The following DIAPH3 variants were observed in gnomAD, a reference collection of about 807,000 sequenced individuals.
The protein encoded by DIAPH3 is protein diaphanous homolog 3.
A neutral mutation model predicts 144.3 loss-of-function variants in DIAPH3; 117 were observed. That is an observed-to-expected ratio of 0.81 (90% CI 0.70 to 0.95). The LOEUF is 0.95. Ranked by LOEUF, DIAPH3 falls within the 40% of genes least tolerant of loss-of-function variation. DIAPH3 has a pLI of 0.00. For synonymous variants in DIAPH3, 519 were observed against 488.9 expected (o/e 1.06, Z -0.81); for missense variants, 1,421 against 1,412.7 (o/e 1.01, Z -0.09).
intron 4 of DIAPH3, among the ~76,000 whole-genome samples, chr13:60,047,262 C>T (rs936591264): frequency 2.0e-5 from 3 of 151,512 alleles, no homozygotes; most frequent in African/African-American, 7.3e-5. Flanking sequence ...CCATTAAGTA[C>T]ATTTTCTGAA....
rs541530100 is a variant in DIAPH3, at chr13:59,676,448, G to C, written c.3320-9602C>G. On this transcript the variant is annotated intron_variant, in intron 27 of 27. Coordinates refer to ENST00000400324, the MANE Select transcript of DIAPH3 (RefSeq NM_001042517.2). ...CCAGCCCTTCAAATATTTGAAGACAGATATTATATTCTCTCAATCTTTTCT... is the reference window on the plus strand; with the variant it reads ...CCAGCCCTTCAAATATTTGAAGACACATATTATATTCTCTCAATCTTTTCT... Among the ~76,000 whole-genome samples the C allele has an allele frequency of 1.6e-4, 24 of 152,246 alleles. 1 individual carries two copies. The highest frequency in any genetic ancestry group is 3.4e-3 in the Middle Eastern group (1 of 294).
chr13:59,791,255 C>T (rs1261668115), intron 25 of DIAPH3, among the ~76,000 whole-genome samples: 1 of 152,058 alleles, frequency 6.6e-6, no homozygotes, highest in Non-Finnish European at 1.5e-5. Context: ...CGGGTGTGAG[C>T]CATCATTCCT....
At chr13:59,781,422 A>T (rs1266846455) in intron 25 of DIAPH3, among the ~76,000 whole-genome samples, 1 of 152,200 alleles carries the variant, frequency 6.6e-6, no homozygotes, top group Non-Finnish European at 1.5e-5. Flanking sequence ...AAACCAAAAC[A>T]AGAGGGGTAG....
At chr13:60,045,630 T>G (rs1249659036) in intron 4 of DIAPH3, among the ~76,000 whole-genome samples, 1 of 152,172 alleles carries the variant, frequency 6.6e-6, no homozygotes, top group Non-Finnish European at 1.5e-5. Context: ...TATCATAAAT[T>G]TTTCAAGTTT....
intron 24 of DIAPH3, among the ~76,000 whole-genome samples, chr13:59,825,238 C>T (rs2041326090): frequency 6.6e-6 from 1 of 152,016 alleles, no homozygotes; most frequent in Non-Finnish European, 1.5e-5. Context: ...CTTCCTGTGT[C>T]CATGTGTTCT....
At chr13:59,906,918 T>C (rs1488230999) in intron 20 of DIAPH3, among the ~76,000 whole-genome samples, 2 of 152,188 alleles carry the variant, frequency 1.3e-5, no homozygotes, top group Non-Finnish European at 2.9e-5. Context: ...TGATTTTACC[T>C]AATAGCTTAT....
At chr13:59,979,706 T>C (rs766727432) in intron 14 of DIAPH3, among the ~76,000 whole-genome samples, 2 of 151,654 alleles carry the variant, frequency 1.3e-5, no homozygotes, top group African/African-American at 2.4e-5. Context: ...TTCAAAGCTA[T>C]AGAAATGTGC....
At chr13:60,107,887 T>C (rs546591259) in intron 3 of DIAPH3, among the ~76,000 whole-genome samples, 2 of 152,350 alleles carry the variant, frequency 1.3e-5, no homozygotes, top group South Asian at 4.1e-4. Context: ...GATAGCATTC[T>C]GATAGATGAG....
chr13:60,097,788 A>G (rs201514322), intron 3 of DIAPH3, among the ~76,000 whole-genome samples: 29 of 151,436 alleles, frequency 1.9e-4, no homozygotes, highest in African/African-American at 1.5e-4. Context: ...GAAAAAAAAA[A>G]AGAGAGAGAG....
chr13:59,937,979 T>G (rs1276663678), intron 17 of DIAPH3, among the ~76,000 whole-genome samples: 1 of 152,180 alleles, frequency 6.6e-6, no homozygotes, highest in Non-Finnish European at 1.5e-5. Context: ...GTAGTTATCC[T>G]GTCTCTCTCT....
chr13:60,083,911 G>GGATGGATA, intron 4 of DIAPH3, among the ~76,000 whole-genome samples: 1 of 2,194 alleles, frequency 4.6e-4, no homozygotes, highest in Non-Finnish European at 1.2e-3. Context: ...ATGGACAGAT[G>GGATGGATA]GATGGATGGA....
At chr13:59,920,029 G>A (rs1282436147) in intron 18 of DIAPH3, among the ~76,000 whole-genome samples, 5 of 151,600 alleles carry the variant, frequency 3.3e-5, no homozygotes, top group Admixed American at 6.6e-5. Flanking sequence ...TAACCACAAA[G>A]CAAAAATCTA....
At chr13:59,710,729 T>G (rs1428642393) in intron 27 of DIAPH3, among the ~76,000 whole-genome samples, 3 of 152,232 alleles carry the variant, frequency 2.0e-5, no homozygotes, top group African/African-American at 7.2e-5. Context: ...TATCAGGCCT[T>G]TTCAACAAAT....
At chr13:60,003,276 G>C (rs989116432) in intron 9 of DIAPH3, among the ~76,000 whole-genome samples, 1 of 152,026 alleles carries the variant, frequency 6.6e-6, no homozygotes, top group African/African-American at 2.4e-5. Flanking sequence ...AATTTTGTAA[G>C]GTAGGTACAA....
chr13:60,116,245 T>C (rs1190293602), intron 2 of DIAPH3, among the ~76,000 whole-genome samples: 1 of 152,068 alleles, frequency 6.6e-6, no homozygotes, highest in Non-Finnish European at 1.5e-5. Flanking sequence ...ATTATATAGC[T>C]ACACAGAAAA....
At chr13:59,949,529 G>A (rs184003697) in intron 17 of DIAPH3, among the ~76,000 whole-genome samples, 12 of 152,104 alleles carry the variant, frequency 7.9e-5, no homozygotes, top group Non-Finnish European at 1.5e-4. Flanking sequence ...GCAAACTATA[G>A]CCCCATGGGC....
Position 59,774,839 on chromosome 13 carries a change from C to A in DIAPH3, c.3164-16G>T, listed in dbSNP as rs1162783612. ...TCATCACCCTCTGTGAAAAGAGATG[C>A]AGGGAATTCCATCAGCCCTCAGGGT... On this transcript the variant is annotated splice_polypyrimidine_tract_variant and intron_variant, in intron 25 of 27. Coordinates refer to ENST00000400324, the MANE Select transcript of DIAPH3 (RefSeq NM_001042517.2). The A allele has an allele frequency of 6.2e-7, 1 of 1,603,020 alleles. No individual in the cohort carries two copies. Among genetic ancestry groups the A allele is most frequent in the Admixed American group, 1.7e-5 (1 of 60,000 alleles).
At chr13:60,090,133 C>T (rs982672169) in intron 4 of DIAPH3, among the ~76,000 whole-genome samples, 2 of 152,120 alleles carry the variant, frequency 1.3e-5, no homozygotes, top group African/African-American at 4.8e-5. Context: ...GGGAGGGAAA[C>T]CTTTCTCAAA....
intron 3 of DIAPH3, among the ~76,000 whole-genome samples, chr13:60,101,799 T>G (rs929148648): frequency 2.6e-5 from 4 of 152,150 alleles, no homozygotes; most frequent in Non-Finnish European, 4.4e-5. Context: ...ATCTTCCATC[T>G]TGCCACTTCT....
Sources: gnomAD v4.1 joint callset for allele counts (sites outside exome capture counted in the v4.1 genomes callset) on GRCh38, gnomAD v4.1.1 for gene constraint, MANE v1.5 for transcripts, NCBI Gene and HGNC (gene_info 2026-07-23, HGNC 2026-07-21) for gene names.